The following ZNF423 variants were observed in gnomAD, a reference collection of about 807,000 sequenced individuals.
The protein encoded by ZNF423 is zinc finger protein 423, also known as Ebf-associated zinc finger protein.
A neutral mutation model predicts 95.8 loss-of-function variants in ZNF423; 12 were observed. The ratio of observed to expected loss-of-function variants is 0.13; its 90% CI spans 0.08 to 0.20. The LOEUF (loss-of-function observed/expected upper bound fraction) is 0.20. Ranked by LOEUF, ZNF423 falls within the 10% of genes least tolerant of loss-of-function variation. The pLI, the probability that ZNF423 is intolerant of heterozygous loss-of-function variation, is 1.00. For missense variants in ZNF423, 1,316 were observed against 1,737.1 expected, an observed-to-expected ratio of 0.76 and a Z score of 4.31; for synonymous variants, 749 against 711.9, an observed-to-expected ratio of 1.05 and a Z score of -0.83.
intron 2 of ZNF423, among the ~76,000 whole-genome samples, chr16:49,781,541 G>A (rs2034212221): frequency 6.6e-6 from 1 of 152,194 alleles, no homozygotes. Context: ...GGGTGTGGGT[G>A]GAGTTTCTGT....
intron 3 of ZNF423, among the ~76,000 whole-genome samples, chr16:49,703,082 G>A (rs965102988): frequency 2.6e-5 from 4 of 152,172 alleles, no homozygotes; most frequent in Admixed American, 1.3e-4. Flanking sequence ...GCATGCACAC[G>A]CCCGCATTCC....
At chr16:49,523,763 G>T in intron 6 of ZNF423, 24 bp from the exon 7 acceptor site, 1 of 1,603,858 alleles carries the variant, frequency 6.2e-7, no homozygotes, top group Non-Finnish European at 8.5e-7. Context: ...CGGCTGTCAG[G>T]GCCAAGCTCA....
intron 7 of ZNF423, among the ~76,000 whole-genome samples, chr16:49,494,195 GA>G (rs1327849983): frequency 6.6e-6 from 1 of 152,218 alleles, no homozygotes; most frequent in East Asian, 1.9e-4. Context: ...CATTCCCCAG[GA>G]AAAGCCACAG....
chr16:49,715,977 G>A (rs909835635), intron 3 of ZNF423, among the ~76,000 whole-genome samples: 2 of 152,096 alleles, frequency 1.3e-5, no homozygotes, highest in Non-Finnish European at 2.9e-5. Context: ...GAGCCCAGGA[G>A]GTCGATGCTG....
At chr16:49,700,293 C>T (rs578032855) in intron 3 of ZNF423, among the ~76,000 whole-genome samples, 2 of 151,844 alleles carry the variant, frequency 1.3e-5, no homozygotes, top group South Asian at 2.1e-4. Context: ...GGAAATTGGT[C>T]GGAACAAAGG....
At chr16:49,541,898 G>A (rs1005106006) in intron 5 of ZNF423, among the ~76,000 whole-genome samples, 13 of 152,280 alleles carry the variant, frequency 8.5e-5, no homozygotes, top group African/African-American at 2.6e-4. Flanking sequence ...CCAGCCCTGC[G>A]GAACTGCAAG....
chr16:49,852,906 C>G (rs2035317645), intron 1 of ZNF423, among the ~76,000 whole-genome samples: 1 of 152,142 alleles, frequency 6.6e-6, no homozygotes, highest in African/African-American at 2.4e-5. Context: ...GAAGTGAGAC[C>G]ACCCCAGCCC....
intron 1 of ZNF423, among the ~76,000 whole-genome samples, chr16:49,791,396 C>T (rs577336634): frequency 1.1e-3 from 169 of 152,316 alleles, no homozygotes; most frequent in African/African-American, 4.0e-3. Flanking sequence ...CCATCAGAAG[C>T]GGGCCATGCA....
intron 7 of ZNF423, among the ~76,000 whole-genome samples, chr16:49,502,104 C>A (rs915454646): frequency 6.6e-6 from 1 of 151,876 alleles, no homozygotes; most frequent in East Asian, 1.9e-4. Flanking sequence ...TGCAAGCCCA[C>A]GAAAACATAT....
chr16:49,537,641 C>T (rs1036703330), intron 5 of ZNF423, among the ~76,000 whole-genome samples: 1 of 152,178 alleles, frequency 6.6e-6, no homozygotes. Context: ...GGCTTATGGT[C>T]ACAGTGCACA....
At chr16:49,628,145 T>G (rs1438422243) in intron 4 of ZNF423, among the ~76,000 whole-genome samples, 2 of 147,412 alleles carry the variant, frequency 1.4e-5, no homozygotes, top group Non-Finnish European at 3.0e-5. Flanking sequence ...CCATCGTCCA[T>G]CTACCCATCC....
chr16:49,845,380 C>T (rs558947785), intron 1 of ZNF423, among the ~76,000 whole-genome samples: 1 of 151,878 alleles, frequency 6.6e-6, no homozygotes, highest in African/African-American at 2.4e-5. Flanking sequence ...GCTGGAATTA[C>T]AGGTGTGAGC....
intron 3 of ZNF423, among the ~76,000 whole-genome samples, chr16:49,718,385 G>A (rs193234753): frequency 6.6e-6 from 1 of 152,274 alleles, no homozygotes; most frequent in East Asian, 1.9e-4. Context: ...CAGTCTGGGT[G>A]ACAGAGTGAT....
intron 7 of ZNF423, among the ~76,000 whole-genome samples, chr16:49,516,166 C>A (rs1360369906): frequency 6.6e-6 from 1 of 152,206 alleles, no homozygotes; most frequent in Admixed American, 6.5e-5. Context: ...CCATTCCATG[C>A]CCTTTATGCC....
At chr16:49,702,898 T>C (rs2032230160) in intron 3 of ZNF423, among the ~76,000 whole-genome samples, 1 of 140,080 alleles carries the variant, frequency 7.1e-6, no homozygotes, top group Non-Finnish European at 1.5e-5. Context: ...CCAACCTGCC[T>C]GTGTGCACAC....
chr16:49,858,308 G>C (rs1435169570), upstream of ZNF423, among the ~76,000 whole-genome samples: 2 of 150,624 alleles, frequency 1.3e-5, no homozygotes, highest in Admixed American at 1.3e-4. This position sits in a 1 kb window ranked among gnomAD's most constrained non-coding sequence, Gnocchi z 4.3. Context: ...AGCCGGGCCC[G>C]GCCCCGCTCA....
chr16:49,700,192 T>C (rs1423143734), intron 3 of ZNF423, among the ~76,000 whole-genome samples: 1 of 36,656 alleles, frequency 2.7e-5, no homozygotes, highest in African/African-American at 9.9e-5. Flanking sequence ...AGGCCCAGGA[T>C]TTCAAAAAAA....
intron 3 of ZNF423, among the ~76,000 whole-genome samples, chr16:49,663,739 G>A (rs888834610): frequency 6.6e-6 from 1 of 152,072 alleles, no homozygotes; most frequent in African/African-American, 2.4e-5. Context: ...GTCAATGGGT[G>A]GGGCACAGAG....
chr16:49,660,607 C>G (rs1418446650), intron 3 of ZNF423, among the ~76,000 whole-genome samples: 1 of 152,100 alleles, frequency 6.6e-6, no homozygotes, highest in South Asian at 2.1e-4. Flanking sequence ...CAAGGTCCCT[C>G]GGGCCCCCTC....
Sources: allele counts gnomAD v4.1 joint callset (sites outside exome capture counted in the v4.1 genomes callset), GRCh38; gene constraint gnomAD v4.1.1; non-coding constraint Gnocchi (gnomAD v3.1); transcripts MANE v1.5; gene names NCBI Gene and HGNC (gene_info 2026-07-23, HGNC 2026-07-21).